The following FRMD5 variants were observed in gnomAD, a reference collection of about 807,000 sequenced individuals.
FRMD5 encodes the protein FERM domain-containing protein 5.
FRMD5 carries 20 observed loss-of-function variants against 69.0 expected under a neutral mutation model. The observed-to-expected ratio is 0.29, with a 90% CI of 0.20 to 0.42. The LOEUF is 0.42. Ranked by LOEUF, FRMD5 falls within the 10% of genes least tolerant of loss-of-function variation. The probability of loss-of-function intolerance (pLI) is 1.00; values close to 1 mark genes in which losing one functional copy is unlikely to be tolerated. For missense variants in FRMD5, 595 were observed against 708.6 expected, an observed-to-expected ratio of 0.84 and a Z score of 1.82; for synonymous variants, 271 against 260.1, an observed-to-expected ratio of 1.04 and a Z score of -0.40.
intron 2 of FRMD5, among the ~76,000 whole-genome samples, chr15:43,922,790 C>A (rs1446143396): frequency 1.3e-5 from 2 of 151,998 alleles, no homozygotes; most frequent in Non-Finnish European, 2.9e-5. Flanking sequence ...CATGTCTCAG[C>A]CTCCCAAGTA....
chr15:44,155,783 G>A (rs1334670889), intron 1 of FRMD5, among the ~76,000 whole-genome samples: 2 of 151,744 alleles, frequency 1.3e-5, no homozygotes, highest in Admixed American at 1.3e-4. Flanking sequence ...TAATAGAGAC[G>A]GGATTTCACC....
chr15:43,994,248 C>T (rs1432995512), intron 1 of FRMD5, among the ~76,000 whole-genome samples: 2 of 152,094 alleles, frequency 1.3e-5, no homozygotes, highest in Middle Eastern at 3.4e-3. Context: ...CTACTATAGG[C>T]TTTTGTTTTG....
intron 1 of FRMD5, among the ~76,000 whole-genome samples, chr15:44,122,379 G>A (rs1307640159): frequency 2.0e-5 from 3 of 151,468 alleles, no homozygotes; most frequent in African/African-American, 7.3e-5. Flanking sequence ...CCTGGGCAAC[G>A]TGGCAAAACC....
chr15:44,082,079 ATTT>A (rs1894018742), intron 1 of FRMD5, among the ~76,000 whole-genome samples: 1 of 152,010 alleles, frequency 6.6e-6, no homozygotes, highest in East Asian at 1.9e-4. Context: ...AATAAATTGA[ATTT>A]TTTATTTTTA....
At chr15:44,015,640 C>A (rs1890923403) in intron 1 of FRMD5, among the ~76,000 whole-genome samples, 1 of 152,040 alleles carries the variant, frequency 6.6e-6, no homozygotes, top group Middle Eastern at 3.2e-3. Context: ...CCTTTGGACC[C>A]TTAGTACAGA....
At chr15:44,109,073 A>C (rs1260229027) in intron 1 of FRMD5, among the ~76,000 whole-genome samples, 1 of 152,178 alleles carries the variant, frequency 6.6e-6, no homozygotes, top group Admixed American at 6.5e-5. Context: ...TGCCCGGCCC[A>C]TAATATGTAC....
At chr15:44,099,139 T>C (rs1475675488) in intron 1 of FRMD5, among the ~76,000 whole-genome samples, 1 of 152,228 alleles carries the variant, frequency 6.6e-6, no homozygotes, top group Non-Finnish European at 1.5e-5. Flanking sequence ...GTTGTAGTTC[T>C]AGTAAGTTCA....
At chr15:43,981,758 T>C (rs8030125) in intron 1 of FRMD5, among the ~76,000 whole-genome samples, 3 of 152,216 alleles carry the variant, frequency 2.0e-5, no homozygotes, top group African/African-American at 7.2e-5. Context: ...CTTCTACATC[T>C]TCTTCCTCAT....
chr15:43,960,931 C>T (rs2090189028), intron 1 of FRMD5, among the ~76,000 whole-genome samples: 1 of 151,884 alleles, frequency 6.6e-6, no homozygotes, highest in Non-Finnish European at 1.5e-5. Context: ...GCTTTAAAAG[C>T]ATTTGTGAAG....
intron 6 of FRMD5, among the ~76,000 whole-genome samples, chr15:43,903,845 T>A (rs1161871747): frequency 6.6e-6 from 1 of 152,212 alleles, no homozygotes; most frequent in Non-Finnish European, 1.5e-5. Context: ...TCCCTACTAT[T>A]CTGATGTCTC....
At chr15:44,141,458 C>T (rs1272854083) in intron 1 of FRMD5, among the ~76,000 whole-genome samples, 3 of 152,082 alleles carry the variant, frequency 2.0e-5, no homozygotes, top group African/African-American at 7.2e-5. Flanking sequence ...CACTACAAAT[C>T]AGGGGGAAAT....
intron 1 of FRMD5, among the ~76,000 whole-genome samples, chr15:44,175,071 T>C (rs771779303): frequency 1.3e-4 from 20 of 152,102 alleles, no homozygotes; most frequent in Non-Finnish European, 2.9e-4. Flanking sequence ...TAAAGTAAAA[T>C]AAAATTTTTT....
chr15:44,197,344 G>T (rs2078320005), upstream of FRMD5, among the ~76,000 whole-genome samples: 1 of 152,180 alleles, frequency 6.6e-6, no homozygotes. Flanking sequence ...ATGCCAAAGT[G>T]ATATTCTACA....
chr15:43,963,026 C>T (rs1460684194), intron 1 of FRMD5, among the ~76,000 whole-genome samples: 1 of 152,166 alleles, frequency 6.6e-6, no homozygotes, highest in Non-Finnish European at 1.5e-5. Context: ...ACACCAAAAG[C>T]AATGGCAACA....
chr15:43,918,543 G>A (rs1438554552), intron 4 of FRMD5, among the ~76,000 whole-genome samples: 2 of 152,132 alleles, frequency 1.3e-5, no homozygotes, highest in Middle Eastern at 3.4e-3. Context: ...AGGATAACCC[G>A]TCTATATGGC....
intron 13 of FRMD5, chr15:43,876,346 G>A (rs545705227): frequency 3.8e-5 from 33 of 864,754 alleles, no homozygotes; most frequent in South Asian, 3.3e-4. Context: ...CTGGGACCAC[G>A]GTTTGAGTCT....
chr15:43,906,891 G>T (rs889117598), intron 5 of FRMD5, among the ~76,000 whole-genome samples: 2 of 152,086 alleles, frequency 1.3e-5, no homozygotes, highest in Non-Finnish European at 2.9e-5. Flanking sequence ...GTGAGCCACC[G>T]CACCCGGCCG....
chr15:44,003,920 C>T (rs1377030254), intron 1 of FRMD5, among the ~76,000 whole-genome samples: 1 of 152,148 alleles, frequency 6.6e-6, no homozygotes, highest in African/African-American at 2.4e-5. Context: ...CTTTTGTTCA[C>T]TGAAGAAGAA....
At position 43,874,416 on chromosome 15, in the gene FRMD5, G is replaced by A; in HGVS notation, c.1182C>T (p.Ser394=). Residue 394 remains serine, a synonymous_variant, in exon 14 of 14, where the codon TCC becomes TCT. Coordinates refer to ENST00000417257, the MANE Select transcript of FRMD5 (RefSeq NM_032892.5). ...RDSAHSTPVR[S]TSHGDTFLPH... ...GCAGGAAGGTGTCCCCATGGGAAGT[G>A]GAACGCACTGGTGTGGAATGGGCAC... 1 of 1,614,220 alleles carries A rather than the reference G, an allele frequency of 6.2e-7. No homozygotes were observed. The highest frequency in any genetic ancestry group is 1.7e-5 in the Admixed American group (1 of 60,020).
Sources: allele counts gnomAD v4.1 joint callset (sites outside exome capture counted in the v4.1 genomes callset), GRCh38; gene constraint gnomAD v4.1.1; transcripts MANE v1.5; gene names NCBI Gene and HGNC (gene_info 2026-07-23, HGNC 2026-07-21).